The following GBF1 variants were observed in gnomAD, a reference collection of about 807,000 sequenced individuals.
GBF1 encodes golgi brefeldin A resistant guanine nucleotide exchange factor 1, also known as Golgi-specific brefeldin A-resistance guanine nucleotide exchange factor 1.
A neutral mutation model predicts 210.5 loss-of-function variants in GBF1; 114 were observed. The ratio of observed to expected loss-of-function variants is 0.54; its 90% CI spans 0.47 to 0.63. The LOEUF (loss-of-function observed/expected upper bound fraction) is 0.63, where lower values mean the gene tolerates loss of function less well. GBF1 is among the 30% of genes least tolerant of loss of function. GBF1 has a pLI of 0.00. For synonymous variants in GBF1, 850 were observed against 889.2 expected (o/e 0.96, Z 0.78); for missense variants, 1,851 against 2,357.7 (o/e 0.79, Z 4.45).
chr10:102,306,408 G>A (rs891890307), intron 3 of GBF1, among the ~76,000 whole-genome samples: 51 of 151,934 alleles, frequency 3.4e-4, no homozygotes, highest in African/African-American at 1.2e-3. Context: ...GCTCTGGGAG[G>A]GACTGTCTCT....
chr10:102,382,293 C>A lies in GBF1; in HGVS notation c.5540C>A (p.Thr1847Lys), dbSNP rs143730567. 4.3e-6 allele frequency: 7 copies of A among 1,613,710 alleles called. No individual in the cohort carries two copies. Among genetic ancestry groups the A allele is most frequent in the Non-Finnish European group, 5.9e-6 (7 of 1,179,760 alleles). ...ACCTCACCAGTGCCCCTCCTGGCCA[C>A]ACCCCGCCCCACAGATCCCATACCC... ...EATSPVPLLATPRPTDPIPTS... is the reference protein window; with the variant it reads ...EATSPVPLLAKPRPTDPIPTS... Residue 1847 changes from threonine to lysine, a missense_variant, in exon 40 of 40, where the codon ACA (threonine) becomes AAA (lysine). Physicochemically the swap from Thr to Lys is moderately conservative, Grantham distance 78. Around this residue, in one of 3 missense-constraint regions of GBF1, gnomAD observed 967 missense variants for 1,247.7 expected, o/e 0.78. Coordinates refer to ENST00000369983, the MANE Select transcript of GBF1 (RefSeq NM_001377137.1).
chr10:102,325,410 CG>C (rs1192539663), intron 3 of GBF1, among the ~76,000 whole-genome samples: 3 of 151,768 alleles, frequency 2.0e-5, no homozygotes, highest in African/African-American at 7.3e-5. Flanking sequence ...ATTAGCTAGG[CG>C]TGATGGTGGG....
chr10:102,232,170 C>T, the GBF1 span: 1 of 802,150 alleles, frequency 1.2e-6, no homozygotes, highest in South Asian at 1.4e-5. Flanking sequence ...AGCGTTTCCT[C>T]GTAAATTCCC....
chr10:102,367,693 AG>A (rs1289509986), intron 21 of GBF1, 133 bp downstream of exon 21: 1 of 671,640 alleles, frequency 1.5e-6, no homozygotes, highest in Non-Finnish European at 2.7e-6. Context: ...TTAGTTGGGC[AG>A]CCCCCTCTCT....
intron 3 of GBF1, among the ~76,000 whole-genome samples, chr10:102,267,458 C>T (rs1479904465): frequency 6.6e-6 from 1 of 152,118 alleles, no homozygotes; most frequent in African/African-American, 2.4e-5. Context: ...GAGCTGAGAT[C>T]GTGCCACTGC....
At chr10:102,376,203 G>A (rs2135312200) in intron 30 of GBF1, 69 bp from the exon 31 acceptor site, 1 of 1,239,270 alleles carries the variant, frequency 8.1e-7, no homozygotes, top group Non-Finnish European at 1.2e-6. Flanking sequence ...TTTTCTGAGA[G>A]CCTGATTTAT....
chr10:102,278,263 T>G (rs1340672280), intron 3 of GBF1, among the ~76,000 whole-genome samples: 1 of 151,540 alleles, frequency 6.6e-6, no homozygotes, highest in Non-Finnish European at 1.5e-5. Context: ...AAAAAAACAT[T>G]AAACAAAAAC....
At chr10:102,347,654 G>A (rs1385145249) in intron 4 of GBF1, among the ~76,000 whole-genome samples, 1 of 152,244 alleles carries the variant, frequency 6.6e-6, no homozygotes, top group Non-Finnish European at 1.5e-5. Flanking sequence ...AAGCAAAGGA[G>A]ATGGGATTGG....
At chr10:102,380,463 C>T in intron 37 of GBF1, 43 bp from the exon 38 acceptor site, 1 of 1,597,794 alleles carries the variant, frequency 6.3e-7, no homozygotes, top group Non-Finnish European at 8.6e-7. Flanking sequence ...ATACTCCCCC[C>T]ATGCCCTCTT....
In GBF1 at chr10:102,360,189, G is replaced by C. The variant is rs144139921; in HGVS notation, c.1186G>C (p.Ala396Pro). The change falls in exon 12 of 40, where the codon GCT becomes CCT. Residue 396 changes from alanine (A) to proline (P), a missense_variant. Coordinates refer to ENST00000369983, the MANE Select transcript of GBF1 (RefSeq NM_001377137.1). ...FTQSSQKEGT[A>P]LVPYGLPCIR... ...CTCCTCCTGGCCTTCCCCAGGCACA[G>C]CTTTGGTCCCCTATGGTCTTCCCTG... The C allele has an allele frequency of 7.4e-6, 12 of 1,610,834 alleles. No individual in the cohort carries two copies. In the African/African-American group the frequency reaches 1.5e-4, roughly 20 times the overall value.
intron 3 of GBF1, among the ~76,000 whole-genome samples, chr10:102,299,580 C>T (rs187781519): frequency 3.1e-4 from 47 of 152,212 alleles, no homozygotes; most frequent in African/African-American, 1.0e-3. Flanking sequence ...TTCAGGAGTT[C>T]GAGACCAGCC....
At chr10:102,329,945 C>T (rs1440361707) in intron 3 of GBF1, among the ~76,000 whole-genome samples, 1 of 151,924 alleles carries the variant, frequency 6.6e-6, no homozygotes. Flanking sequence ...CCCCTATCTA[C>T]AAAAAATTTA....
At chr10:102,341,944 T>C (rs992061500) in intron 3 of GBF1, among the ~76,000 whole-genome samples, 3 of 152,142 alleles carry the variant, frequency 2.0e-5, no homozygotes, top group Non-Finnish European at 4.4e-5. Flanking sequence ...ATGTCAAATA[T>C]ACCTCATGAC....
chr10:102,303,560 G>A (rs1275313284), intron 3 of GBF1, among the ~76,000 whole-genome samples: 1 of 152,186 alleles, frequency 6.6e-6, no homozygotes, highest in African/African-American at 2.4e-5. Flanking sequence ...AATTCAGGTT[G>A]TTTCCATATG....
chr10:102,313,139 G>A (rs1472103758), intron 3 of GBF1, among the ~76,000 whole-genome samples: 1 of 152,182 alleles, frequency 6.6e-6, no homozygotes, highest in Admixed American at 6.5e-5. Context: ...TAATGAAGAG[G>A]AATTGTGCTG....
chr10:102,364,391 AT>A (rs1428189095), intron 17 of GBF1, among the ~76,000 whole-genome samples: 3 of 148,616 alleles, frequency 2.0e-5, no homozygotes, highest in Non-Finnish European at 4.5e-5. Flanking sequence ...TGCCTGGCTA[AT>A]TTTTTGTATT....
chr10:102,282,482 C>T (rs1437054521), intron 3 of GBF1, among the ~76,000 whole-genome samples: 2 of 152,182 alleles, frequency 1.3e-5, no homozygotes, highest in Admixed American at 6.5e-5. Context: ...TGAAGAGGAA[C>T]AAGAGACAGA....
At chr10:102,362,991 C>G (rs1403025903) in intron 15 of GBF1, among the ~76,000 whole-genome samples, 1 of 152,218 alleles carries the variant, frequency 6.6e-6, no homozygotes, top group Non-Finnish European at 1.5e-5. Context: ...TGCCTCCACT[C>G]TAATTAGTCC....
chr10:102,298,719 G>C (rs1034882909), intron 3 of GBF1, among the ~76,000 whole-genome samples: 12 of 152,046 alleles, frequency 7.9e-5, no homozygotes, highest in African/African-American at 2.9e-4. Flanking sequence ...AGGAAACAGA[G>C]GTTCCAAAAA....
Sources: allele counts gnomAD v4.1 joint callset (sites outside exome capture counted in the v4.1 genomes callset), GRCh38; gene constraint gnomAD v4.1.1; regional missense constraint gnomAD v4.1.1; transcripts MANE v1.5; gene names NCBI Gene and HGNC (gene_info 2026-07-23, HGNC 2026-07-21).